The following PAWR variants were observed in gnomAD, a reference collection of about 807,000 sequenced individuals.
PAWR encodes the protein PRKC apoptosis WT1 regulator protein.
A neutral mutation model predicts 32.0 loss-of-function variants in PAWR; 23 were observed. The ratio of observed to expected loss-of-function variants is 0.72; its 90% CI spans 0.52 to 1.02. PAWR has a LOEUF of 1.02. Among genes scored for constraint, PAWR ranks in the 50% least tolerant of loss-of-function variants. The pLI is 0.00. For synonymous variants in PAWR, 226 were observed against 187.1 expected (o/e 1.21, Z -1.70); for missense variants, 457 against 437.7 (o/e 1.04, Z -0.39).
chr12:79,638,793 GTGTGTGT>G (rs1566013573), intron 2 of PAWR, among the ~76,000 whole-genome samples: 3 of 101,332 alleles, frequency 3.0e-5, no homozygotes, highest in African/African-American at 1.6e-4. Flanking sequence ...TATTTGGGGT[GTGTGTGT>G]GTGTGTGTGT....
At chr12:79,687,323 T>C (rs1286187065) in intron 2 of PAWR, among the ~76,000 whole-genome samples, 1 of 152,134 alleles carries the variant, frequency 6.6e-6, no homozygotes, top group Non-Finnish European at 1.5e-5. Context: ...CAGTATTATA[T>C]ATACACTCTA....
chr12:79,644,337 T>TA (rs1876471734), intron 2 of PAWR, among the ~76,000 whole-genome samples: 1 of 152,188 alleles, frequency 6.6e-6, no homozygotes, highest in South Asian at 2.1e-4. Flanking sequence ...TAAAGAATGA[T>TA]AATCATATGC....
At chr12:79,604,818 T>G (rs1467214130) in intron 4 of PAWR, 3 of 455,568 alleles carry the variant, frequency 6.6e-6, no homozygotes, top group Non-Finnish European at 1.0e-5. Context: ...TTATTAAAAT[T>G]GATACATATT....
chr12:79,684,432 G>A (rs1018989413), intron 2 of PAWR, among the ~76,000 whole-genome samples: 4 of 152,018 alleles, frequency 2.6e-5, no homozygotes, highest in African/African-American at 4.8e-5. Flanking sequence ...CCAACATGGC[G>A]AAACACCATC....
chr12:79,614,586 G>A (rs1376277969), intron 3 of PAWR, among the ~76,000 whole-genome samples: 1 of 152,112 alleles, frequency 6.6e-6, no homozygotes, highest in Admixed American at 6.6e-5. Context: ...GACAGTCTAG[G>A]TTCTCCAAAT....
intron 2 of PAWR, among the ~76,000 whole-genome samples, chr12:79,641,972 G>T (rs1231783268): frequency 1.3e-5 from 2 of 151,712 alleles, no homozygotes; most frequent in African/African-American, 4.8e-5. Flanking sequence ...GACCTGGAGA[G>T]GTGGGATATA....
Position 79,683,621 on chromosome 12 carries a change from T to A in PAWR, c.516+6108A>T, listed in dbSNP as rs560083022. On this transcript the variant is annotated intron_variant, in intron 2 of 6. Coordinates refer to ENST00000328827, the MANE Select transcript of PAWR (RefSeq NM_002583.4). ...TGGAAACTCCTTTTTTTTTTTTTTT[T>A]AACTCTGAATCAATGTTCCCAAATG... is the stretch of plus-strand genomic sequence containing the variant. Among the ~76,000 whole-genome samples the A allele has an allele frequency of 8.0e-3, 1,212 of 151,648 alleles. 10 individuals carry two copies. Among genetic ancestry groups the A allele is most frequent in the Middle Eastern group, 0.024 (7 of 294 alleles).
chr12:79,626,041 G>GTAGTCT (rs1265930333), intron 2 of PAWR, among the ~76,000 whole-genome samples: 3 of 145,546 alleles, frequency 2.1e-5, no homozygotes, highest in Non-Finnish European at 3.0e-5. Flanking sequence ...GCACGCGCCT[G>GTAGTCT]TAGTCCCAGC....
chr12:79,640,603 T>C (rs1228724594), intron 2 of PAWR, among the ~76,000 whole-genome samples: 1 of 152,006 alleles, frequency 6.6e-6, no homozygotes, highest in African/African-American at 2.4e-5. Flanking sequence ...TAGCCGGGTA[T>C]GGTGGTGTGC....
At position 79,588,333 on chromosome 12, in the gene PAWR, C is replaced by T. The variant is rs1017653126; in HGVS notation, c.*4274G>A. On this transcript the variant is annotated 3_prime_UTR_variant, in exon 7 of 7. Transcript: ENST00000328827. ...ACTTGAAGTCACATTTAAATACCAT[C>T]AACAGTTTGGTGTATCTGATATAAC... 6 of 151,928 alleles carry T rather than the reference C, an allele frequency of 3.9e-5. No individual in the cohort carries two copies. Among genetic ancestry groups the T allele is most frequent in the East Asian group, 1.9e-4 (1 of 5,200 alleles). 9.4% of individuals were successfully genotyped at this position (151,928 alleles called of 1,614,324 possible).
chr12:79,670,241 A>C (rs1240354818), intron 2 of PAWR, among the ~76,000 whole-genome samples: 1 of 152,204 alleles, frequency 6.6e-6, no homozygotes, highest in African/African-American at 2.4e-5. Context: ...GCAGTACATA[A>C]GCAAAGTCCA....
chr12:79,618,576 T>C (rs1874856556), intron 3 of PAWR, among the ~76,000 whole-genome samples: 1 of 152,288 alleles, frequency 6.6e-6, no homozygotes, highest in Non-Finnish European at 1.5e-5. Flanking sequence ...TGGCCAATGT[T>C]TCTCCTTTCT....
intron 4 of PAWR, among the ~76,000 whole-genome samples, chr12:79,598,463 A>C (rs1873842351): frequency 6.6e-6 from 1 of 152,230 alleles, no homozygotes; most frequent in African/African-American, 2.4e-5. Context: ...TTGCTTTTCA[A>C]AATTTGTTTT....
chr12:79,668,956 A>G (rs1877751997), intron 2 of PAWR, among the ~76,000 whole-genome samples: 1 of 152,360 alleles, frequency 6.6e-6, no homozygotes, highest in Non-Finnish European at 1.5e-5. Context: ...ACACACATGC[A>G]CTTCCAACTG....
At chr12:79,677,203 T>C (rs1483076197) in intron 2 of PAWR, among the ~76,000 whole-genome samples, 1 of 152,178 alleles carries the variant, frequency 6.6e-6, no homozygotes, top group Non-Finnish European at 1.5e-5. Context: ...TAGAGAATAT[T>C]CTGTAGACAT....
intron 2 of PAWR, among the ~76,000 whole-genome samples, chr12:79,632,936 C>T (rs553282275): frequency 6.6e-6 from 1 of 152,074 alleles, no homozygotes; most frequent in East Asian, 1.9e-4. Context: ...GAGTTCGAGA[C>T]CAGCCTGGCC....
chr12:79,611,066 A>T (rs1159261841), intron 4 of PAWR, among the ~76,000 whole-genome samples: 1 of 149,590 alleles, frequency 6.7e-6, no homozygotes, highest in East Asian at 1.9e-4. Flanking sequence ...AATTTATAAG[A>T]GCATACATTC....
intron 4 of PAWR, among the ~76,000 whole-genome samples, chr12:79,606,664 C>A (rs2136688218): frequency 6.6e-6 from 1 of 152,266 alleles, no homozygotes; most frequent in Non-Finnish European, 1.5e-5. Context: ...ACCATCCAGT[C>A]ATTTGGAGTT....
In PAWR at chr12:79,586,844, T is replaced by C. The variant is rs1283748215; in HGVS notation, c.*5763A>G. 1.3e-5 allele frequency: 2 copies of C among 152,170 alleles called. No homozygotes were observed. The highest frequency in any genetic ancestry group is 2.9e-5 in the Non-Finnish European group (2 of 68,004). The allele number at this position is 152,170 out of a possible 1,614,324, so 9.4% of individuals were successfully genotyped here. Reference sequence around the variant, plus strand: ...GAGGGAAGTTTTGCTTGCTAGTGTCTATCTGGTTAGACATCAGAATAAAAT... The same window carrying C: ...GAGGGAAGTTTTGCTTGCTAGTGTCCATCTGGTTAGACATCAGAATAAAAT... On this transcript the variant is annotated 3_prime_UTR_variant, in exon 7 of 7. Coordinates refer to ENST00000328827, the MANE Select transcript of PAWR (RefSeq NM_002583.4).
Sources: allele counts gnomAD v4.1 joint callset (sites outside exome capture counted in the v4.1 genomes callset), GRCh38; gene constraint gnomAD v4.1.1; transcripts MANE v1.5; gene names NCBI Gene and HGNC (gene_info 2026-07-23, HGNC 2026-07-21).